Variants in RBFOX1 observed in about 807,000 individuals in gnomAD.
RBFOX1 encodes the protein RNA binding protein fox-1 homolog 1.
RBFOX1 carries 8 observed loss-of-function variants against 57.7 expected under a neutral mutation model. The observed-to-expected ratio is 0.14, with a 90% confidence interval of 0.08 to 0.25. The LOEUF (loss-of-function observed/expected upper bound fraction) is 0.25. RBFOX1 is among the 10% of genes least tolerant of loss of function. The pLI is 1.00. For missense variants in RBFOX1, 611 were observed against 548.5 expected, an observed-to-expected ratio of 1.11 and a Z score of -1.14; for synonymous variants, 326 against 222.4, an observed-to-expected ratio of 1.47 and a Z score of -4.15.
At chr16:7,057,508 C>T (rs1013689401) in intron 4 of RBFOX1, among the ~76,000 whole-genome samples, 1 of 152,154 alleles carries the variant, frequency 6.6e-6, no homozygotes, top group Non-Finnish European at 1.5e-5. Context: ...GCATCGCTTT[C>T]CACCGGTATA....
intron 1 of RBFOX1, among the ~76,000 whole-genome samples, chr16:6,123,643 A>C (rs191186807): frequency 2.5e-4 from 38 of 152,326 alleles, no homozygotes; most frequent in Admixed American, 2.3e-3. Context: ...AAAAATAGTT[A>C]AAAGTAATTT....
intron 3 of RBFOX1, among the ~76,000 whole-genome samples, chr16:7,035,641 G>C (rs1159594698): frequency 6.6e-6 from 1 of 152,096 alleles, no homozygotes; most frequent in Non-Finnish European, 1.5e-5. Context: ...TCTGAGCTCG[G>C]TCATTACTTC....
chr16:6,066,853 A>G (rs940243703), intron 1 of RBFOX1, among the ~76,000 whole-genome samples: 5 of 151,704 alleles, frequency 3.3e-5, no homozygotes, highest in African/African-American at 1.2e-4. Context: ...GCTTTTCTTT[A>G]TTTGCAGCAG....
intron 4 of RBFOX1, among the ~76,000 whole-genome samples, chr16:7,251,643 C>T (rs970109615): frequency 2.6e-5 from 4 of 152,108 alleles, no homozygotes; most frequent in Non-Finnish European, 5.9e-5. Flanking sequence ...TGGTCTTGAA[C>T]TCCTGACCTC....
At chr16:5,960,155 C>G (rs1397633691) in intron 4 of RBFOX1, among the ~76,000 whole-genome samples, 1 of 152,068 alleles carries the variant, frequency 6.6e-6, no homozygotes, top group Non-Finnish European at 1.5e-5. Flanking sequence ...GAGCCAAGAT[C>G]GTGCCATTGC....
chr16:7,113,025 C>T (rs775809151), intron 4 of RBFOX1, among the ~76,000 whole-genome samples: 4 of 152,136 alleles, frequency 2.6e-5, no homozygotes, highest in African/African-American at 9.7e-5. Flanking sequence ...TCAGACCCAT[C>T]GAACTGGAGT....
intron 2 of RBFOX1, among the ~76,000 whole-genome samples, chr16:6,493,253 T>G (rs939342583): frequency 2.6e-5 from 4 of 152,070 alleles, no homozygotes; most frequent in African/African-American, 9.7e-5. Context: ...CAGTTATGTT[T>G]TGGTTGAGGT....
At chr16:6,028,080 G>A (rs1376420101) in intron 1 of RBFOX1, among the ~76,000 whole-genome samples, 1 of 152,154 alleles carries the variant, frequency 6.6e-6, no homozygotes, top group Admixed American at 6.5e-5. Context: ...TGTTTCCCTT[G>A]GGACCAGCCC....
chr16:6,193,387 A>ATAC (rs2097156426), intron 1 of RBFOX1, among the ~76,000 whole-genome samples: 1 of 37,530 alleles, frequency 2.7e-5, no homozygotes, highest in Non-Finnish European at 5.6e-5. Context: ...CATTATATAT[A>ATAC]TATACTATAT....
chr16:7,510,822 G>T (rs4786176), intron 4 of RBFOX1, among the ~76,000 whole-genome samples: 27,904 of 152,052 alleles, frequency 0.18, 2,750 homozygotes, highest in East Asian at 0.28. Context: ...CTGGTGGGGG[G>T]TCCCACTGCA....
At chr16:7,310,339 T>A (rs1029714636) in intron 4 of RBFOX1, among the ~76,000 whole-genome samples, 3 of 152,184 alleles carry the variant, frequency 2.0e-5, no homozygotes, top group Admixed American at 6.5e-5. Flanking sequence ...CTTTTCATGG[T>A]TGTTTCTGAT....
chr16:6,477,144 C>G (rs1433015525), intron 2 of RBFOX1, among the ~76,000 whole-genome samples: 2 of 152,170 alleles, frequency 1.3e-5, no homozygotes, highest in Non-Finnish European at 2.9e-5. Flanking sequence ...GAGTTGGAAT[C>G]AACTTATTCC....
intron 4 of RBFOX1, among the ~76,000 whole-genome samples, chr16:7,206,416 AATATAT>A (rs896561410): frequency 6.7e-6 from 1 of 150,320 alleles, no homozygotes; most frequent in African/African-American, 2.5e-5. Context: ...TACTTACTGA[AATATAT>A]ATATACATAT....
intron 4 of RBFOX1, among the ~76,000 whole-genome samples, chr16:7,105,227 G>C (rs1297305793): frequency 6.6e-6 from 1 of 151,584 alleles, no homozygotes; most frequent in Non-Finnish European, 1.5e-5. Flanking sequence ...GCCAGGTCTG[G>C]GTCACATGGC....
chr16:5,732,608 T>G (rs1402182275), intron 3 of RBFOX1, among the ~76,000 whole-genome samples: 1 of 152,246 alleles, frequency 6.6e-6, no homozygotes, highest in African/African-American at 2.4e-5. Context: ...GGTCTCCGTT[T>G]CTGCACTTGT....
intron 1 of RBFOX1, among the ~76,000 whole-genome samples, chr16:5,434,480 C>T (rs1436196593): frequency 6.6e-6 from 1 of 151,760 alleles, no homozygotes; most frequent in Non-Finnish European, 1.5e-5. Flanking sequence ...CACCACCATG[C>T]CCAGCTAATT....
intron 4 of RBFOX1, among the ~76,000 whole-genome samples, chr16:7,324,217 C>G (rs894042597): frequency 2.0e-4 from 31 of 152,194 alleles, no homozygotes; most frequent in African/African-American, 5.5e-4. Context: ...AGATGCCAGT[C>G]CAGCACACTT....
intron 1 of RBFOX1, among the ~76,000 whole-genome samples, chr16:5,250,749 C>A (rs948751015): frequency 1.3e-5 from 2 of 152,206 alleles, no homozygotes; most frequent in African/African-American, 2.4e-5. Flanking sequence ...TGTGGATGCA[C>A]CACGCTTCGT....
intron 3 of RBFOX1, among the ~76,000 whole-genome samples, chr16:6,677,523 A>G (rs879596555): frequency 6.6e-6 from 1 of 152,196 alleles, no homozygotes; most frequent in Non-Finnish European, 1.5e-5. Context: ...CCATATCAAA[A>G]ACATCAGGGA....
Sources: gnomAD v4.1 joint callset for allele counts (sites outside exome capture counted in the v4.1 genomes callset) on GRCh38, gnomAD v4.1.1 for gene constraint, MANE v1.5 for transcripts, NCBI Gene and HGNC (gene_info 2026-07-23, HGNC 2026-07-21) for gene names.